Variants in USP12 observed in about 807,000 individuals in gnomAD.
USP12 encodes ubiquitin specific peptidase 12.
USP12 carries 19 observed loss-of-function variants against 45.5 expected under a neutral mutation model. That is an observed-to-expected ratio of 0.42 (90% CI 0.29 to 0.61). USP12 has a LOEUF of 0.61. Among genes scored for constraint, USP12 ranks in the 20% least tolerant of loss-of-function variants. The pLI is 0.22. For synonymous variants in USP12, 149 were observed against 148.8 expected (o/e 1.00, Z -0.01); for missense variants, 242 against 447.7 (o/e 0.54, Z 4.15).
chr13:27,116,732 TC>T (rs1875762208), intron 1 of USP12, 136 bp from the exon 2 acceptor site: 2 of 623,356 alleles, frequency 3.2e-6, no homozygotes, highest in Admixed American at 6.5e-5. Flanking sequence ...TGCGTCTTTA[TC>T]CTTTACACCG....
At chr13:27,095,952 T>C in intron 3 of USP12, 122 bp from the exon 4 acceptor site, 2 of 680,078 alleles carry the variant, frequency 2.9e-6, no homozygotes, top group Non-Finnish European at 4.5e-6. Flanking sequence ...AATGTTTTTG[T>C]AATGTATAAC....
At chr13:27,070,951 A>ATAT (rs1873222255) in intron 8 of USP12, 120 bp downstream of exon 8, 1 of 807,308 alleles carries the variant, frequency 1.2e-6, no homozygotes, top group Non-Finnish European at 1.9e-6. Context: ...TACAATCTAT[A>ATAT]GACCCAGACA....
intron 6 of USP12, among the ~76,000 whole-genome samples, chr13:27,086,188 A>AT (rs1565984544): frequency 0.037 from 3,730 of 99,668 alleles, 76 homozygotes; most frequent in Non-Finnish European, 0.046. Flanking sequence ...AAAAAAAAAA[A>AT]AAAAAAAAAA....
intron 8 of USP12, among the ~76,000 whole-genome samples, chr13:27,070,716 G>A (rs1451966555): frequency 6.6e-6 from 1 of 152,084 alleles, no homozygotes; most frequent in East Asian, 1.9e-4. Flanking sequence ...ACCATGCCCG[G>A]CTAATTTTGT....
intron 3 of USP12, among the ~76,000 whole-genome samples, chr13:27,103,973 A>T (rs900097690): frequency 3.3e-5 from 5 of 152,174 alleles, no homozygotes. Flanking sequence ...AATAAGGCCA[A>T]GAGAAATGTA....
chr13:27,157,725 C>A (rs1454395336), intron 1 of USP12, among the ~76,000 whole-genome samples: 1 of 152,116 alleles, frequency 6.6e-6, no homozygotes, highest in African/African-American at 2.4e-5. Context: ...CTTCATTTTT[C>A]TCCAAGTTAC....
rs80157015 is a variant in USP12, at chr13:27,125,189, G to T, written c.49-8593C>A. Among the ~76,000 whole-genome samples the T allele has an allele frequency of 6.8e-3, 1,031 of 152,036 alleles. 60 individuals carry two copies. In the East Asian group the frequency reaches 0.12, roughly 18 times the overall value. The stretch of plus-strand genomic sequence containing the variant: ...ATATGTAAGTATGTATGTATGTATT[G>T]GGTTTCATATTATTTATCACTCTAA... On this transcript the variant is annotated intron_variant, in intron 1 of 8. Coordinates refer to ENST00000282344, the MANE Select transcript of USP12 (RefSeq NM_182488.4).
intron 3 of USP12, among the ~76,000 whole-genome samples, chr13:27,104,244 T>C (rs1236751595): frequency 6.6e-6 from 1 of 152,190 alleles, no homozygotes; most frequent in Non-Finnish European, 1.5e-5. Flanking sequence ...CTGCTGAGGC[T>C]AGTCTCAAAC....
intron 1 of USP12, among the ~76,000 whole-genome samples, chr13:27,123,517 C>T (rs1265176390): frequency 6.6e-6 from 1 of 152,170 alleles, no homozygotes; most frequent in Admixed American, 6.5e-5. Context: ...GTGTCCCCAC[C>T]CAAATCTCAT....
At chr13:27,152,799 A>G (rs898698552) in intron 1 of USP12, among the ~76,000 whole-genome samples, 8 of 151,976 alleles carry the variant, frequency 5.3e-5, no homozygotes, top group Admixed American at 1.3e-4. Context: ...AAAATTAGCC[A>G]GGCGTGGTGG....
At position 27,158,731 on chromosome 13, in the gene USP12, C is replaced by A. The variant is rs535308622; in HGVS notation, c.48+12861G>T. 3.1e-3 allele frequency among the ~76,000 whole-genome samples: 469 copies of A among 152,122 alleles called. 3 individuals carry two copies. The highest frequency in any genetic ancestry group is 0.011 in the African/African-American group (452 of 41,502). On this transcript the variant is annotated intron_variant, in intron 1 of 8. Coordinates refer to ENST00000282344, the MANE Select transcript of USP12 (RefSeq NM_182488.4). Reference sequence around the variant, plus strand: ...GTTTCTGGCACTTTGTTATGGCAGCCCTAGGAAACTAATAAAATTATTGTT... The same window carrying A: ...GTTTCTGGCACTTTGTTATGGCAGCACTAGGAAACTAATAAAATTATTGTT...
chr13:27,096,829 A>C (rs1266378552), intron 3 of USP12, among the ~76,000 whole-genome samples: 1 of 152,232 alleles, frequency 6.6e-6, no homozygotes, highest in Non-Finnish European at 1.5e-5. Context: ...CTCAATGTAC[A>C]TTTAATAAGT....
At chr13:27,089,106 T>C (rs930066684) in intron 6 of USP12, among the ~76,000 whole-genome samples, 1 of 152,184 alleles carries the variant, frequency 6.6e-6, no homozygotes, top group African/African-American at 2.4e-5. Context: ...CTTTTCCAAA[T>C]TGAAAAAGAC....
chr13:27,079,513 C>G (rs182468606), intron 6 of USP12, among the ~76,000 whole-genome samples: 1 of 152,096 alleles, frequency 6.6e-6, no homozygotes, highest in South Asian at 2.1e-4. Flanking sequence ...AGGGGAGGAG[C>G]TGGAGGAAGG....
intron 1 of USP12, among the ~76,000 whole-genome samples, chr13:27,122,429 CG>C: frequency 6.6e-6 from 1 of 152,134 alleles, no homozygotes; most frequent in East Asian, 1.9e-4. Context: ...TTTTTCTTCA[CG>C]GTCTTGGGTA....
intron 1 of USP12, among the ~76,000 whole-genome samples, chr13:27,151,780 AAAAAC>A (rs751949958): frequency 5.9e-5 from 9 of 152,224 alleles, no homozygotes; most frequent in Non-Finnish European, 1.2e-4. Flanking sequence ...TTGAAAAAAC[AAAAAC>A]AAAACAACAA....
intron 6 of USP12, among the ~76,000 whole-genome samples, chr13:27,084,497 GAAAAAA>G (rs397851869): frequency 4.1e-5 from 4 of 98,514 alleles, no homozygotes; most frequent in Non-Finnish European, 7.9e-5. Flanking sequence ...ACAGTGAGAT[GAAAAAA>G]AAAAAAAAAA....
At chr13:27,156,793 G>A (rs1375885840) in intron 1 of USP12, among the ~76,000 whole-genome samples, 2 of 152,120 alleles carry the variant, frequency 1.3e-5, no homozygotes, top group Non-Finnish European at 2.9e-5. Flanking sequence ...CTGCACTCCA[G>A]CCTGGGCGAC....
chr13:27,107,346 AC>A (rs1367015814), intron 2 of USP12, among the ~76,000 whole-genome samples: 2 of 152,186 alleles, frequency 1.3e-5, no homozygotes, highest in Admixed American at 6.5e-5. Flanking sequence ...AACAAAAAAA[AC>A]AAATTTATTG....
Sources: allele counts gnomAD v4.1 joint callset (sites outside exome capture counted in the v4.1 genomes callset), GRCh38; gene constraint gnomAD v4.1.1; transcripts MANE v1.5; gene names NCBI Gene and HGNC (gene_info 2026-07-23, HGNC 2026-07-21).